Variants in MYO9A observed in about 807,000 individuals in gnomAD.
MYO9A encodes unconventional myosin-IXa.
Under a neutral mutation model 293.3 loss-of-function variants are expected in MYO9A, and 103 were observed. The observed-to-expected ratio is 0.35, with a 90% confidence interval of 0.30 to 0.41. MYO9A has a LOEUF of 0.41. Among genes scored for constraint, MYO9A ranks in the 10% least tolerant of loss-of-function variants. MYO9A has a pLI of 1.00. For missense variants in MYO9A, 2,685 were observed against 3,033.0 expected, an observed-to-expected ratio of 0.89 and a Z score of 2.69; for synonymous variants, 1,001 against 1,035.7, an observed-to-expected ratio of 0.97 and a Z score of 0.64.
At chr15:72,099,422 C>CAAAAAAAAAAAAA (rs57019438) in intron 1 of MYO9A, among the ~76,000 whole-genome samples, 10 of 90,160 alleles carry the variant, frequency 1.1e-4, no homozygotes, top group Non-Finnish European at 1.4e-4. Context: ...GACCCTGCCC[C>CAAAAAAAAAAAAA]AAAAAAAAAA....
intron 1 of MYO9A, among the ~76,000 whole-genome samples, chr15:72,099,792 C>T (rs1437505380): frequency 6.6e-6 from 1 of 150,894 alleles, no homozygotes; most frequent in East Asian, 2.0e-4. Flanking sequence ...GTCCCAGCTA[C>T]TCAGGAGGCT....
chr15:71,956,836 T>TATACAC (rs1555491167), intron 14 of MYO9A, among the ~76,000 whole-genome samples: 2 of 130,350 alleles, frequency 1.5e-5, no homozygotes, highest in East Asian at 2.1e-4. Context: ...TATATATATA[T>TATACAC]ACACACACAC....
At chr15:71,849,987 TAGTC>T (rs766729236) in intron 38 of MYO9A, 45 bp downstream of exon 38, 25 of 1,425,126 alleles carry the variant, frequency 1.8e-5, no homozygotes, top group Non-Finnish European at 2.2e-5. Flanking sequence ...AGTGACTACA[TAGTC>T]AGAAGTCCCT....
chr15:72,100,891 G>A (rs1157234326), intron 1 of MYO9A, among the ~76,000 whole-genome samples: 10 of 134,256 alleles, frequency 7.4e-5, no homozygotes, highest in South Asian at 2.4e-4. Context: ...GCCCCCCGCC[G>A]GCCAGCCGCC....
chr15:72,086,955 G>A (rs1216359853), intron 1 of MYO9A, among the ~76,000 whole-genome samples: 3 of 152,058 alleles, frequency 2.0e-5, no homozygotes, highest in Non-Finnish European at 2.9e-5. Context: ...TAGTACAGAC[G>A]GGATTTCTTC....
chr15:71,849,992 A>G (rs776278066), intron 38 of MYO9A, 44 bp downstream of exon 38: 1 of 1,519,882 alleles, frequency 6.6e-7, no homozygotes, highest in Non-Finnish European at 9.1e-7. Context: ...CTACATAGTC[A>G]GAAGTCCCTG....
intron 18 of MYO9A, among the ~76,000 whole-genome samples, chr15:71,929,431 T>C (rs116034013): frequency 7.8e-4 from 119 of 152,310 alleles, no homozygotes; most frequent in African/African-American, 2.6e-3. Context: ...TGTGGGCTTG[T>C]CACATATCGC....
intron 11 of MYO9A, among the ~76,000 whole-genome samples, chr15:71,989,001 T>G (rs1460380624): frequency 6.6e-6 from 1 of 152,082 alleles, no homozygotes; most frequent in Non-Finnish European, 1.5e-5. Flanking sequence ...TTCAGGTGAT[T>G]CTCCTGCCTC....
At chr15:71,926,364 G>A (rs906207804) in intron 18 of MYO9A, among the ~76,000 whole-genome samples, 2 of 152,148 alleles carry the variant, frequency 1.3e-5, no homozygotes, top group African/African-American at 2.4e-5. Context: ...AGGAGTTCAA[G>A]TCCAGACAGG....
intron 8 of MYO9A, among the ~76,000 whole-genome samples, chr15:72,005,207 G>A (rs768867377): frequency 5.3e-5 from 8 of 152,140 alleles, no homozygotes; most frequent in Non-Finnish European, 1.0e-4. Context: ...AATTTAAGAA[G>A]CCAGGGTTCA....
intron 14 of MYO9A, among the ~76,000 whole-genome samples, chr15:71,954,734 T>A (rs1225469541): frequency 6.6e-6 from 1 of 152,208 alleles, no homozygotes; most frequent in African/African-American, 2.4e-5. Flanking sequence ...CATTTTTTCT[T>A]ATGCAGGACC....
intron 10 of MYO9A, among the ~76,000 whole-genome samples, chr15:71,992,824 A>G (rs1275648104): frequency 9.9e-5 from 15 of 151,554 alleles, no homozygotes; most frequent in Admixed American, 9.8e-4. Flanking sequence ...AAATATAAGA[A>G]TAAATATTTT....
intron 9 of MYO9A, among the ~76,000 whole-genome samples, chr15:71,999,297 A>T (rs2148650344): frequency 6.6e-6 from 1 of 152,012 alleles, no homozygotes; most frequent in South Asian, 2.1e-4. Context: ...TAATAGTAGC[A>T]ACAAGTATCC....
chr15:71,895,916 C>A (rs1422738672), intron 25 of MYO9A, among the ~76,000 whole-genome samples: 2 of 150,712 alleles, frequency 1.3e-5, no homozygotes, highest in African/African-American at 4.8e-5. Flanking sequence ...TACATACACA[C>A]ACATAAATGT....
intron 2 of MYO9A, among the ~76,000 whole-genome samples, chr15:72,035,738 G>A (rs1347366132): frequency 3.3e-5 from 5 of 152,266 alleles, no homozygotes; most frequent in South Asian, 2.1e-4. Context: ...CTAGAAGGTC[G>A]AGGCAGCAGT....
chr15:72,040,236 A>T (rs2078185485), intron 2 of MYO9A: 1 of 152,388 alleles, frequency 6.6e-6, no homozygotes, highest in Non-Finnish European at 1.5e-5. Flanking sequence ...AGCAGGAGGC[A>T]GTTAAAATTG....
chr15:71,881,174 T>C (rs748237801), intron 28 of MYO9A, among the ~76,000 whole-genome samples: 67 of 151,978 alleles, frequency 4.4e-4, no homozygotes, highest in Non-Finnish European at 2.9e-4. Flanking sequence ...CAAATAACTG[T>C]CAATTTATTT....
intron 26 of MYO9A, 169 bp downstream of exon 26, chr15:71,893,510 C>G: frequency 1.6e-6 from 1 of 629,934 alleles, no homozygotes; most frequent in South Asian, 2.1e-5. Context: ...CATTCCCTGC[C>G]TGGAGTACAC....
At chr15:72,067,952 A>G (rs1180611644) in intron 1 of MYO9A, among the ~76,000 whole-genome samples, 2 of 152,186 alleles carry the variant, frequency 1.3e-5, no homozygotes, top group Non-Finnish European at 2.9e-5. Context: ...GTTTACTCAT[A>G]AGAACAACAC....
Sources: gnomAD v4.1 joint callset for allele counts (sites outside exome capture counted in the v4.1 genomes callset) on GRCh38, gnomAD v4.1.1 for gene constraint, MANE v1.5 for transcripts, NCBI Gene and HGNC (gene_info 2026-07-23, HGNC 2026-07-21) for gene names.